The following PPP2R2C variants were observed in gnomAD, a reference collection of about 807,000 sequenced individuals.
PPP2R2C encodes the protein protein phosphatase 2, regulatory subunit B, gamma.
A neutral mutation model predicts 45.3 loss-of-function variants in PPP2R2C; 10 were observed. The observed-to-expected ratio is 0.22, with a 90% CI of 0.14 to 0.37. The LOEUF (loss-of-function observed/expected upper bound fraction) is 0.37, where lower values mean the gene tolerates loss of function less well. PPP2R2C is among the 10% of genes least tolerant of loss of function. PPP2R2C has a pLI of 1.00. For synonymous variants in PPP2R2C, 257 were observed against 245.4 expected (o/e 1.05, Z -0.44); for missense variants, 308 against 619.7 (o/e 0.50, Z 5.34).
intron 1 of PPP2R2C, among the ~76,000 whole-genome samples, chr4:6,425,256 C>T (rs1719219325): frequency 6.6e-6 from 1 of 152,164 alleles, no homozygotes; most frequent in Admixed American, 6.5e-5. Flanking sequence ...GCTGTGCACG[C>T]CCAGGAGCAG....
At chr4:6,390,639 T>C (rs1408116490) in intron 1 of PPP2R2C, among the ~76,000 whole-genome samples, 5 of 152,198 alleles carry the variant, frequency 3.3e-5, no homozygotes, top group African/African-American at 9.7e-5. Context: ...CGGAAGGCCG[T>C]TGGGCTCTCC....
At chr4:6,373,211 G>C (rs1321842025) in intron 4 of PPP2R2C, among the ~76,000 whole-genome samples, 3 of 152,224 alleles carry the variant, frequency 2.0e-5, no homozygotes, top group African/African-American at 7.2e-5. Flanking sequence ...GAGGACCCAA[G>C]CCTTAGGGAC....
upstream of PPP2R2C, among the ~76,000 whole-genome samples, chr4:6,477,230 A>T (rs937354845): frequency 6.6e-6 from 1 of 152,204 alleles, no homozygotes; most frequent in African/African-American, 2.4e-5. Context: ...AGCCTGGGCC[A>T]CACAGCAAGA....
At chr4:6,348,300 C>T (rs763776268) in intron 5 of PPP2R2C, among the ~76,000 whole-genome samples, 5 of 151,736 alleles carry the variant, frequency 3.3e-5, no homozygotes, top group Non-Finnish European at 7.4e-5. Flanking sequence ...AGTGAGGGTG[C>T]ATCAGTTCCA....
intron 1 of PPP2R2C, among the ~76,000 whole-genome samples, chr4:6,436,905 C>CA (rs5855912): frequency 0.97 from 147,849 of 152,342 alleles, 71,894 homozygotes; most frequent in East Asian, 1. Context: ...TCCAAATGCC[C>CA]AGTTGTCTTT....
intron 8 of PPP2R2C, among the ~76,000 whole-genome samples, chr4:6,325,528 C>G (rs1182113930): frequency 6.6e-6 from 1 of 152,162 alleles, no homozygotes; most frequent in Non-Finnish European, 1.5e-5. Context: ...ACAGAATGAA[C>G]CTGGGTGATT....
chr4:6,446,951 G>A (rs890467149), intron 1 of PPP2R2C, among the ~76,000 whole-genome samples: 1 of 152,066 alleles, frequency 6.6e-6, no homozygotes, highest in Non-Finnish European at 1.5e-5. Context: ...AGAGGCGAAG[G>A]GGTGCTGGGC....
Position 6,323,156 on chromosome 4 carries a change from A to G in PPP2R2C, c.*146T>C. 2 of 986,484 alleles carry G rather than the reference A, an allele frequency of 2.0e-6. No homozygotes were observed. Among genetic ancestry groups the G allele is most frequent in the Admixed American group, 6.8e-5 (2 of 29,558 alleles). The allele number at this position is 986,484 out of a possible 1,614,324, so 61.1% of individuals were successfully genotyped here. On this transcript the variant is annotated 3_prime_UTR_variant, in exon 9 of 9. Transcript: ENST00000382599. ...AAAGCTGGGGCAGGGAGGGGGCCCA[A>G]ACTTCCTGTGTCCACACACTGCCAC...
At chr4:6,486,994 C>A (rs1722549863) in intron 2 of PPP2R2C, among the ~76,000 whole-genome samples, 1 of 151,954 alleles carries the variant, frequency 6.6e-6, no homozygotes, top group Non-Finnish European at 1.5e-5. Context: ...TTTCTGGCTT[C>A]TTAGTTACAA....
chr4:6,381,505 CT>C, intron 1 of PPP2R2C: 2 of 1,382,462 alleles, frequency 1.4e-6, no homozygotes, highest in Non-Finnish European at 1.9e-6. Flanking sequence ...CAGGGAAGCC[CT>C]TCCCAATATC....
chr4:6,498,687 A>G (rs1301153429), intron 2 of PPP2R2C, among the ~76,000 whole-genome samples: 8 of 152,064 alleles, frequency 5.3e-5, no homozygotes, highest in African/African-American at 1.9e-4. Flanking sequence ...TTGGGGAGCA[A>G]CAGTTCACTC....
intron 1 of PPP2R2C, among the ~76,000 whole-genome samples, chr4:6,425,367 C>T (rs1029709227): frequency 1.4e-4 from 22 of 152,342 alleles, no homozygotes; most frequent in African/African-American, 5.3e-4. Context: ...CCTGCACAGT[C>T]TCTCTGATCC....
intron 1 of PPP2R2C, among the ~76,000 whole-genome samples, chr4:6,453,980 C>T (rs1720880495): frequency 1.3e-5 from 2 of 152,218 alleles, no homozygotes; most frequent in Non-Finnish European, 2.9e-5. Flanking sequence ...ATCTAATCTA[C>T]CCCTAAAGAA....
rs182769042 is a variant in PPP2R2C at position 6,345,995 on chromosome 4, C to T, written c.790+1851G>A. Reference sequence around the variant, plus strand: ...ACCTGCCTGCTGGTCCCTGGCACCCCCTGTTGTTCCAGGCCACGGCCCCAC... The same window carrying T: ...ACCTGCCTGCTGGTCCCTGGCACCCTCTGTTGTTCCAGGCCACGGCCCCAC... On this transcript the variant is annotated intron_variant, in intron 6 of 8. Transcript: ENST00000382599. This position sits in a 1 kb window ranked among gnomAD's most constrained non-coding sequence, Gnocchi z 5.3. Among the ~76,000 whole-genome samples, 5 of 152,278 alleles carry T rather than the reference C, an allele frequency of 3.3e-5. No individual in the cohort carries two copies. The highest frequency in any genetic ancestry group is 3.3e-4 in the Admixed American group (5 of 15,296).
At chr4:6,459,188 G>T (rs1721194112) in intron 1 of PPP2R2C, among the ~76,000 whole-genome samples, 1 of 152,118 alleles carries the variant, frequency 6.6e-6, no homozygotes, top group Non-Finnish European at 1.5e-5. Context: ...TTGCCTGAGG[G>T]CTGGAGGCTC....
chr4:6,510,563 CACAA>C (rs1256304485), intron 2 of PPP2R2C, among the ~76,000 whole-genome samples: 2 of 152,212 alleles, frequency 1.3e-5, no homozygotes, highest in South Asian at 2.1e-4. Flanking sequence ...TGCATGCACA[CACAA>C]ACAGGCACAC....
At chr4:6,440,737 TG>T (rs1720114233) in intron 1 of PPP2R2C, among the ~76,000 whole-genome samples, 2 of 152,192 alleles carry the variant, frequency 1.3e-5, no homozygotes, top group Non-Finnish European at 2.9e-5. Context: ...GGACGCCGCC[TG>T]AGTCTGTATC....
chr4:6,400,086 T>C (rs908993478), intron 1 of PPP2R2C, among the ~76,000 whole-genome samples: 5 of 152,220 alleles, frequency 3.3e-5, no homozygotes, highest in Admixed American at 2.0e-4. Flanking sequence ...ACCCATCACC[T>C]AAATCAGCAG....
At chr4:6,496,321 GA>G (rs1722879666) in intron 2 of PPP2R2C, among the ~76,000 whole-genome samples, 2 of 152,120 alleles carry the variant, frequency 1.3e-5, no homozygotes, top group African/African-American at 4.8e-5. Context: ...TCAGACCAAA[GA>G]ATCATCCCAT....
Sources: allele counts gnomAD v4.1 joint callset (sites outside exome capture counted in the v4.1 genomes callset), GRCh38; gene constraint gnomAD v4.1.1; non-coding constraint Gnocchi (gnomAD v3.1); transcripts MANE v1.5; gene names NCBI Gene and HGNC (gene_info 2026-07-23, HGNC 2026-07-21).